The following FUT8 variants were observed in gnomAD, a reference collection of about 807,000 sequenced individuals.
FUT8 encodes the protein alpha-(1,6)-fucosyltransferase.
Under a neutral mutation model 71.3 loss-of-function variants are expected in FUT8, and 29 were observed. The observed-to-expected ratio is 0.41, with a 90% confidence interval of 0.30 to 0.55. FUT8 has a LOEUF of 0.55. Ranked by LOEUF, FUT8 falls within the 20% of genes least tolerant of loss-of-function variation. The pLI, the probability that FUT8 is intolerant of heterozygous loss-of-function variation, is 0.34. For missense variants in FUT8, 544 were observed against 702.1 expected, an observed-to-expected ratio of 0.77 and a Z score of 2.55; for synonymous variants, 254 against 239.3, an observed-to-expected ratio of 1.06 and a Z score of -0.57.
At chr14:65,524,119 C>G (rs112899270) in intron 2 of FUT8, among the ~76,000 whole-genome samples, 13 of 152,184 alleles carry the variant, frequency 8.5e-5, no homozygotes, top group East Asian at 7.7e-4. Context: ...GAAAGTCATT[C>G]GTAGTTTGAT....
intron 2 of FUT8, among the ~76,000 whole-genome samples, chr14:65,511,277 C>T (rs1043113125): frequency 7.9e-5 from 12 of 151,970 alleles, no homozygotes; most frequent in Non-Finnish European, 1.3e-4. Context: ...AGATGTTTGA[C>T]ACTATGTGGG....
chr14:65,584,613 AGGT>A, intron 3 of FUT8, among the ~76,000 whole-genome samples: 1 of 152,390 alleles, frequency 6.6e-6, no homozygotes, highest in African/African-American at 2.4e-5. Flanking sequence ...ATAATAGATC[AGGT>A]GGTAACAGAA....
At chr14:65,452,913 A>G (rs2065848445) in intron 1 of FUT8, among the ~76,000 whole-genome samples, 1 of 152,140 alleles carries the variant, frequency 6.6e-6, no homozygotes, top group Admixed American at 6.5e-5. Flanking sequence ...CTTTTAGTAC[A>G]TATGGAACAG....
upstream of FUT8, among the ~76,000 whole-genome samples, chr14:65,410,404 G>A (rs992673665): frequency 2.0e-5 from 3 of 152,248 alleles, no homozygotes; most frequent in Non-Finnish European, 4.4e-5. Context: ...TGATAATAAT[G>A]TTCCATCACA....
At chr14:65,631,897 T>C (rs1460225602) in intron 6 of FUT8, among the ~76,000 whole-genome samples, 2 of 151,708 alleles carry the variant, frequency 1.3e-5, no homozygotes, top group African/African-American at 4.8e-5. Flanking sequence ...ATCATTCTTA[T>C]GCCTTTGTGT....
intron 3 of FUT8, among the ~76,000 whole-genome samples, chr14:65,576,168 A>G (rs888175081): frequency 6.6e-6 from 1 of 152,060 alleles, no homozygotes; most frequent in Non-Finnish European, 1.5e-5. Flanking sequence ...GGACAAGTCT[A>G]CCTTTCTCTG....
chr14:65,433,399 C>CTT (rs917808913), intron 1 of FUT8, among the ~76,000 whole-genome samples: 2 of 152,172 alleles, frequency 1.3e-5, no homozygotes, highest in African/African-American at 4.8e-5. Context: ...TGAAGAAAGG[C>CTT]TTATTAGGAG....
At position 65,511,427 on chromosome 14, in the gene FUT8, C is replaced by T. The variant is rs556666154; in HGVS notation, c.-227-49910C>T. Among the ~76,000 whole-genome samples, 74 of 152,000 alleles carry T rather than the reference C, an allele frequency of 4.9e-4. 1 individual carries two copies. The highest frequency in any genetic ancestry group is 3.4e-3 in the Middle Eastern group (1 of 294). The stretch of plus-strand genomic sequence containing the variant: ...ATATTCTTTAAATATCTATTAGATC[C>T]GTTTGGTCTATTTCTTTGTTGATTC... On this transcript the variant is annotated intron_variant, in intron 2 of 10. Coordinates refer to ENST00000673929, the MANE Select transcript of FUT8 (RefSeq NM_001371533.1).
chr14:65,541,171 G>T (rs774732813), intron 2 of FUT8, among the ~76,000 whole-genome samples: 2 of 152,132 alleles, frequency 1.3e-5, no homozygotes, highest in Non-Finnish European at 2.9e-5. Context: ...ATTTCCTGAG[G>T]GAGAGGTTGA....
chr14:65,685,800 G>T (rs1893258615), intron 7 of FUT8, among the ~76,000 whole-genome samples: 1 of 152,180 alleles, frequency 6.6e-6, no homozygotes, highest in South Asian at 2.1e-4. Flanking sequence ...GATGCTGGTG[G>T]TAGTGCCTCT....
intron 3 of FUT8, among the ~76,000 whole-genome samples, chr14:65,610,028 T>C (rs1289343797): frequency 6.6e-6 from 1 of 151,982 alleles, no homozygotes; most frequent in Non-Finnish European, 1.5e-5. Context: ...TTTGCTAGAA[T>C]ATAGAAATGT....
At chr14:65,740,044 T>C (rs1485154612) in intron 10 of FUT8, among the ~76,000 whole-genome samples, 3 of 152,076 alleles carry the variant, frequency 2.0e-5, no homozygotes, top group Non-Finnish European at 4.4e-5. Context: ...CTTCTTTTCC[T>C]GAGTCCCACT....
chr14:65,564,219 T>C (rs1886069252), intron 3 of FUT8, among the ~76,000 whole-genome samples: 1 of 152,040 alleles, frequency 6.6e-6, no homozygotes, highest in Admixed American at 6.6e-5. Flanking sequence ...CTTTTTCATA[T>C]AAGAAAATGT....
At chr14:65,572,047 C>T (rs1395659238) in intron 3 of FUT8, among the ~76,000 whole-genome samples, 1 of 152,150 alleles carries the variant, frequency 6.6e-6, no homozygotes, top group Non-Finnish European at 1.5e-5. Context: ...AAATCTAGGC[C>T]TACCAGTGTA....
chr14:65,638,326 G>A lies in FUT8; in HGVS notation c.597+8720G>A, dbSNP rs1457750242. On this transcript the variant is annotated intron_variant, in intron 6 of 10. Transcript: ENST00000673929. This position sits in a 1 kb window ranked among gnomAD's most constrained non-coding sequence, Gnocchi z 4.5. ...TTCCCAAAGTGTTGCAATCACAGGC[G>A]TGAGCCACTGTGTCCGGCCAGAAAG... 2.6e-5 allele frequency among the ~76,000 whole-genome samples: 4 copies of A among 152,150 alleles called. No homozygotes were observed. Among genetic ancestry groups the A allele is most frequent in the Admixed American group, 6.5e-5 (1 of 15,290 alleles).
At chr14:65,465,482 G>A (rs550275096) in intron 2 of FUT8, among the ~76,000 whole-genome samples, 14 of 152,008 alleles carry the variant, frequency 9.2e-5, no homozygotes, top group Non-Finnish European at 1.3e-4. Context: ...ATAAATTTTG[G>A]TGTTTTATTT....
At chr14:65,597,129 T>C (rs1888021986) in intron 3 of FUT8, among the ~76,000 whole-genome samples, 1 of 152,166 alleles carries the variant, frequency 6.6e-6, no homozygotes, top group Admixed American at 6.5e-5. Flanking sequence ...AAACAGAGCT[T>C]AGAAAGGTTA....
At chr14:65,412,024 C>G (rs578017401), upstream of FUT8, 23 of 456,750 alleles carry the variant, frequency 5.0e-5, no homozygotes, top group African/African-American at 4.4e-4. Flanking sequence ...AAGCCTCTCC[C>G]CTCTCCCCGT....
At chr14:65,389,556 AC>A in the FUT8 span, among the ~76,000 whole-genome samples, 1 of 151,120 alleles carries the variant, frequency 6.6e-6, no homozygotes, top group African/African-American at 2.4e-5. Context: ...CAACTGATCC[AC>A]CTACCTCAGC....
Sources: allele counts gnomAD v4.1 joint callset (sites outside exome capture counted in the v4.1 genomes callset), GRCh38; gene constraint gnomAD v4.1.1; non-coding constraint Gnocchi (gnomAD v3.1); transcripts MANE v1.5; gene names NCBI Gene and HGNC (gene_info 2026-07-23, HGNC 2026-07-21).